VTA1: variants seen among roughly 807,000 people sequenced by gnomAD.
VTA1 encodes vacuolar protein sorting-associated protein VTA1 homolog.
Under a neutral mutation model 36.9 loss-of-function variants are expected in VTA1, and 24 were observed. The observed-to-expected ratio is 0.65, with a 90% confidence interval of 0.47 to 0.91. The LOEUF is 0.91. Ranked by LOEUF, VTA1 falls within the 40% of genes least tolerant of loss-of-function variation. The pLI is 0.00. For missense variants in VTA1, 393 were observed against 377.2 expected (o/e 1.04, Z -0.35); for synonymous variants, 142 against 130.2 (o/e 1.09, Z -0.62).
At position 142,181,078 on chromosome 6, in the gene VTA1, G is replaced by GAAAAA. The variant is rs1162412059; in HGVS notation, c.412-8335_412-8331dup. On this transcript the variant is annotated intron_variant, in intron 4 of 7. Transcript: ENST00000367630. The stretch of plus-strand genomic sequence containing the variant: ...CTTCAATTTACTCTTAAATGGTACA[G>GAAAAA]AAAAAAAAAAAAAAAAATATATATA... Among the ~76,000 whole-genome samples the GAAAAA allele has an allele frequency of 4.3e-3, 219 of 51,280 alleles. 14 individuals are homozygous for GAAAAA. Among genetic ancestry groups the GAAAAA allele is most frequent in the East Asian group, 0.025 (32 of 1,268 alleles). The allele number at this position is 51,280 out of a possible 152,430, so 33.6% of individuals were successfully genotyped here. A position where few individuals can be genotyped will look rare whatever the true frequency, so the allele number is the denominator to read the frequency against.
In VTA1 at chr6:142,224,059, T is replaced by C. The variant is rs1184502820; in HGVS notation, c.*5416T>C. The C allele has an allele frequency of 6.6e-6, 1 of 152,190 alleles. No homozygotes were observed. The highest frequency in any genetic ancestry group is 2.4e-5 in the African/African-American group (1 of 41,440). 9.4% of individuals were successfully genotyped at this position (152,190 alleles called of 1,614,324 possible). On this transcript the variant is annotated 3_prime_UTR_variant, in exon 8 of 8. Coordinates refer to ENST00000367630, the MANE Select transcript of VTA1 (RefSeq NM_016485.5). ...GAAGCACTGATCTCCAGTGTGTCTG[T>C]GTTCAGAGGCAGGTCCCATAGGGAG...
chr6:142,155,864 C>T lies in VTA1; in HGVS notation c.112+8465C>T, dbSNP rs144259450. On this transcript the variant is annotated intron_variant, in intron 1 of 7. Transcript: ENST00000367630. Reference sequence around the variant, plus strand: ...TCTTTATGCCTTGGTGTAGCTTTACCGTAATTGCTTTTTCATTTGCTTGTC... The same window carrying T: ...TCTTTATGCCTTGGTGTAGCTTTACTGTAATTGCTTTTTCATTTGCTTGTC... Among the ~76,000 whole-genome samples the T allele has an allele frequency of 2.7e-3, 407 of 152,096 alleles. 2 individuals are homozygous for T. The highest frequency in any genetic ancestry group is 9.3e-3 in the African/African-American group (388 of 41,498).
chr6:142,192,951 G>A (rs1451221297), intron 5 of VTA1, among the ~76,000 whole-genome samples: 7 of 152,138 alleles, frequency 4.6e-5, no homozygotes, highest in South Asian at 4.1e-4. Context: ...TATCAAAATC[G>A]AGAAGTATAG....
At position 142,147,549 on chromosome 6, in the gene VTA1, C is replaced by T. The variant is rs1246254644; in HGVS notation, c.112+150C>T. The T allele has an allele frequency of 2.7e-5, 20 of 729,450 alleles. 1 individual carries two copies. The highest frequency in any genetic ancestry group is 3.6e-4 in the Middle Eastern group (1 of 2,742). The allele number at this position is 729,450 out of a possible 1,614,324, so 45.2% of individuals were successfully genotyped here. ...CTACCCAGGGAACTCCCTGGGTTCC[C>T]ACCCCCTGGCAGTAGGAATCCCAAA... On this transcript the variant is annotated intron_variant, in intron 1 of 7. Coordinates refer to ENST00000367630, the MANE Select transcript of VTA1 (RefSeq NM_016485.5).
At chr6:142,208,863 C>A (rs1775846867) in intron 7 of VTA1, among the ~76,000 whole-genome samples, 1 of 152,072 alleles carries the variant, frequency 6.6e-6, no homozygotes, top group African/African-American at 2.4e-5. Context: ...CAAAAGCTGA[C>A]CCATCCTGCA....
intron 4 of VTA1, among the ~76,000 whole-genome samples, chr6:142,184,825 C>G (rs1216986125): frequency 6.6e-6 from 1 of 151,980 alleles, no homozygotes; most frequent in Non-Finnish European, 1.5e-5. Context: ...TGTGACCTGC[C>G]TAAATTTCGA....
chr6:142,198,783 A>G (rs967525628), intron 6 of VTA1, 168 bp downstream of exon 6: 12 of 570,632 alleles, frequency 2.1e-5, no homozygotes, highest in Non-Finnish European at 3.2e-5. Flanking sequence ...AAATTTTAAT[A>G]TTAGTTGTAT....
chr6:142,212,530 A>G (rs1775923983), intron 7 of VTA1, among the ~76,000 whole-genome samples: 1 of 152,180 alleles, frequency 6.6e-6, no homozygotes, highest in Non-Finnish European at 1.5e-5. Context: ...GGGATGAATG[A>G]GTGGATCACA....
rs1219153629 is a variant in VTA1, at chr6:142,221,769, A to T, written c.*3126A>T. The T allele has an allele frequency of 6.7e-6, 1 of 148,174 alleles. No individual in the cohort carries two copies. Among genetic ancestry groups the T allele is most frequent in the Non-Finnish European group, 1.5e-5 (1 of 67,244 alleles). 9.2% of individuals were successfully genotyped at this position (148,174 alleles called of 1,614,324 possible). On this transcript the variant is annotated 3_prime_UTR_variant, in exon 8 of 8. Transcript: ENST00000367630. ...GGAGTATATATTTATTAATATATAA[A>T]TATGTATTTATATATAAATCATAAA...
At chr6:142,196,011 A>G (rs1775544206) in intron 5 of VTA1, among the ~76,000 whole-genome samples, 2 of 152,106 alleles carry the variant, frequency 1.3e-5, no homozygotes, top group African/African-American at 2.4e-5. Context: ...GTTATTGCTT[A>G]TGATGTTCTC....
rs1776078113 is a variant in VTA1, at chr6:142,220,058, A to G, written c.*1415A>G. The G allele has an allele frequency of 6.6e-6, 1 of 152,194 alleles. No individual in the cohort carries two copies. Among genetic ancestry groups the G allele is most frequent in the African/African-American group, 2.4e-5 (1 of 41,448 alleles). 9.4% of individuals were successfully genotyped at this position (152,194 alleles called of 1,614,324 possible). On this transcript the variant is annotated 3_prime_UTR_variant, in exon 8 of 8. Coordinates refer to ENST00000367630, the MANE Select transcript of VTA1 (RefSeq NM_016485.5). Reference sequence around the variant, plus strand: ...ATTTATATCCATTATTTTCTGCATAAATGTAATGCTATTGTACAGGGTTTG... The same window carrying G: ...ATTTATATCCATTATTTTCTGCATAGATGTAATGCTATTGTACAGGGTTTG...
Position 142,173,851 on chromosome 6 carries a change from A to G in VTA1, c.411+3430A>G, listed in dbSNP as rs577003292. Among the ~76,000 whole-genome samples, 34 of 152,300 alleles carry G rather than the reference A, an allele frequency of 2.2e-4. 1 individual carries two copies. The highest frequency in any genetic ancestry group is 7.0e-4 in the African/African-American group (29 of 41,556). On this transcript the variant is annotated intron_variant, in intron 4 of 7. Coordinates refer to ENST00000367630, the MANE Select transcript of VTA1 (RefSeq NM_016485.5). ...GGCAAAACTGTAAATGAGGCCAGTGAGAAGGCTTCATGTGAGATTGGGGTG... is the reference window on the plus strand; with the variant it reads ...GGCAAAACTGTAAATGAGGCCAGTGGGAAGGCTTCATGTGAGATTGGGGTG...
chr6:142,178,683 GAAACA>G (rs552488499), intron 4 of VTA1, among the ~76,000 whole-genome samples: 82 of 152,070 alleles, frequency 5.4e-4, no homozygotes, highest in Middle Eastern at 3.4e-3. Context: ...GGAAGAGAAG[GAAACA>G]TAAACAGGTG....
intron 7 of VTA1, among the ~76,000 whole-genome samples, chr6:142,217,944 A>C (rs1437376349): frequency 6.6e-6 from 1 of 152,132 alleles, no homozygotes; most frequent in Non-Finnish European, 1.5e-5. Flanking sequence ...TTTTAGAGAA[A>C]TAATATGTAA....
chr6:142,163,284 T>G (rs1215071120), intron 1 of VTA1, among the ~76,000 whole-genome samples: 2 of 152,078 alleles, frequency 1.3e-5, no homozygotes, highest in Non-Finnish European at 2.9e-5. Context: ...ATCTAGTATT[T>G]ATATTCTAGG....
In VTA1 at chr6:142,176,589, T is replaced by A. The variant is rs990423818; in HGVS notation, c.411+6168T>A. On this transcript the variant is annotated intron_variant, in intron 4 of 7. Coordinates refer to ENST00000367630, the MANE Select transcript of VTA1 (RefSeq NM_016485.5). ...ACAATATTTCTCAAACTCTCTGTGATAAAGGTTCAGCCTTTTTTTTTTTTT... is the reference window on the plus strand; with the variant it reads ...ACAATATTTCTCAAACTCTCTGTGAAAAAGGTTCAGCCTTTTTTTTTTTTT... 6.6e-5 allele frequency among the ~76,000 whole-genome samples: 10 copies of A among 150,436 alleles called. No individual in the cohort carries two copies. In the South Asian group the frequency reaches 1.7e-3, roughly 25 times the overall value.
chr6:142,198,096 C>CA (rs200763527), intron 5 of VTA1, among the ~76,000 whole-genome samples: 1,504 of 100,322 alleles, frequency 0.015, 50 homozygotes, highest in African/African-American at 0.053. Context: ...GACTCCGTCT[C>CA]AAAAAAAAAT....
At chr6:142,182,629 G>T (rs1775264214) in intron 4 of VTA1, among the ~76,000 whole-genome samples, 1 of 152,146 alleles carries the variant, frequency 6.6e-6, no homozygotes. Flanking sequence ...GACTCCAAGG[G>T]TTGGACCTGA....
At chr6:142,200,789 C>A (rs1430425298) in intron 6 of VTA1, among the ~76,000 whole-genome samples, 1 of 151,630 alleles carries the variant, frequency 6.6e-6, no homozygotes, top group Admixed American at 6.6e-5. Flanking sequence ...TCTTTTGTTC[C>A]TTAGAGGGAA....
Sources: allele counts gnomAD v4.1 joint callset (sites outside exome capture counted in the v4.1 genomes callset), GRCh38; gene constraint gnomAD v4.1.1; transcripts MANE v1.5; gene names NCBI Gene and HGNC (gene_info 2026-07-23, HGNC 2026-07-21).